Variants in SLC52A3 observed in about 807,000 individuals in gnomAD.
The protein encoded by SLC52A3 is solute carrier family 52, riboflavin transporter, member 3.
SLC52A3 carries 20 observed loss-of-function variants against 29.5 expected under a neutral mutation model. The ratio of observed to expected loss-of-function variants is 0.68; its 90% confidence interval spans 0.48 to 0.99. The LOEUF is 0.99. Ranked by LOEUF, SLC52A3 falls within the 50% of genes least tolerant of loss-of-function variation. The pLI is 0.00. For missense variants in SLC52A3, 548 were observed against 612.9 expected (o/e 0.89, Z 1.12); for synonymous variants, 301 against 271.0 (o/e 1.11, Z -1.09).
At chr20:769,278 T>C (rs1986778172), upstream of SLC52A3, among the ~76,000 whole-genome samples, 1 of 152,168 alleles carries the variant, frequency 6.6e-6, no homozygotes, top group African/African-American at 2.4e-5. Context: ...TCAGGAATAT[T>C]TTGGAAGAAG....
At chr20:776,081 C>G (rs1177172424), upstream of SLC52A3, 1 of 152,398 alleles carries the variant, frequency 6.6e-6, no homozygotes. Flanking sequence ...CCGGCAAGAC[C>G]AGGCGCCTAC....
upstream of SLC52A3, among the ~76,000 whole-genome samples, chr20:773,135 G>T (rs191800018): frequency 6.6e-6 from 1 of 152,152 alleles, no homozygotes; most frequent in South Asian, 2.1e-4. Context: ...TAACAGGATC[G>T]TGCTGGCTGT....
At chr20:770,155 GTT>G (rs71191969), upstream of SLC52A3, among the ~76,000 whole-genome samples, 20 of 143,152 alleles carry the variant, frequency 1.4e-4, no homozygotes, top group African/African-American at 3.3e-4. The surrounding 1 kb of genome is among the most constrained non-coding windows in gnomAD (Gnocchi z 4.5). Flanking sequence ...TCTGACTGCT[GTT>G]TTTTTTTTTT....
upstream of SLC52A3, among the ~76,000 whole-genome samples, chr20:770,783 G>C (rs1043783185): frequency 6.6e-6 from 1 of 152,210 alleles, no homozygotes; most frequent in East Asian, 1.9e-4. This position sits in a 1 kb window ranked among gnomAD's most constrained non-coding sequence, Gnocchi z 4.5. Context: ...GAGGTATTTT[G>C]TGGCAAAGTT....
At chr20:774,312 C>A (rs1257047318) in intron 1 of SLC52A3, among the ~76,000 whole-genome samples, 1 of 152,190 alleles carries the variant, frequency 6.6e-6, no homozygotes, top group Non-Finnish European at 1.5e-5. Context: ...CACTCCTGGG[C>A]AAGGGTCTGA....
upstream of SLC52A3, among the ~76,000 whole-genome samples, chr20:778,723 C>A (rs905329292): frequency 2.0e-5 from 3 of 149,802 alleles, no homozygotes; most frequent in African/African-American, 7.3e-5. Context: ...TGGCCACTTT[C>A]TTCTTCTTTT....
At chr20:761,407 C>G (rs916610845) in intron 4 of SLC52A3, 169 bp from the exon 5 acceptor site, 1 of 838,248 alleles carries the variant, frequency 1.2e-6, no homozygotes, top group Admixed American at 2.9e-5. Context: ...GTTGGCCGCC[C>G]GGGGGCGAAG....
At chr20:776,845 T>G (rs1987049072), upstream of SLC52A3, among the ~76,000 whole-genome samples, 1 of 125,762 alleles carries the variant, frequency 8.0e-6, no homozygotes, top group African/African-American at 3.1e-5. Context: ...TCCTACAGGC[T>G]GAATCGCTTT....
In SLC52A3 at chr20:765,058, A is replaced by T; in HGVS notation, c.567+150T>A. 2.2e-6 allele frequency: 2 copies of T among 901,622 alleles called. No homozygotes were observed. The highest frequency in any genetic ancestry group is 3.5e-6 in the Non-Finnish European group (2 of 568,966). The allele number at this position is 901,622 out of a possible 1,614,324, so 55.9% of individuals were successfully genotyped here. A position where few individuals can be genotyped will look rare whatever the true frequency, so the allele number is the denominator to read the frequency against. Reference sequence around the variant, plus strand: ...CCCATGCGTATGTATGTAAGTAATTAAAATGAGTTTCCTGCTGTTGATCTG... The same window carrying T: ...CCCATGCGTATGTATGTAAGTAATTTAAATGAGTTTCCTGCTGTTGATCTG... On this transcript the variant is annotated intron_variant, in intron 2 of 4. Coordinates refer to ENST00000645534, the MANE Select transcript of SLC52A3 (RefSeq NM_033409.4). The surrounding 1 kb of genome is among the most constrained non-coding windows in gnomAD (Gnocchi z 6.6).
chr20:761,620 G>A, intron 4 of SLC52A3, 81 bp downstream of exon 4: 1 of 1,587,528 alleles, frequency 6.3e-7, no homozygotes, highest in East Asian at 2.3e-5. Flanking sequence ...TCGCTGGAAA[G>A]GGCCGCGCCC....
chr20:776,566 A>G (rs1036391818), upstream of SLC52A3, among the ~76,000 whole-genome samples: 1 of 152,062 alleles, frequency 6.6e-6, no homozygotes, highest in African/African-American at 2.4e-5. Flanking sequence ...CACCTTGTAT[A>G]TGGCAGAACT....
In SLC52A3 at chr20:763,651, A is replaced by C; in HGVS notation, c.920T>G (p.Val307Gly). ...PAHLAFIYTL[V>G]AFVNALTNGM... ...GTTGGTGAGCGCGTTGACGAAGGCC[A>C]CCAGGGTATAGATGAAGGCCAGGTG... The change falls in exon 3 of 5, where the codon GTG becomes GGG. Residue 307 changes from valine (V) to glycine (G), a missense_variant. Val to Gly is a moderately radical substitution (Grantham distance 109). Coordinates refer to ENST00000645534, the MANE Select transcript of SLC52A3 (RefSeq NM_033409.4). 1 of 1,614,158 alleles carries C rather than the reference A, an allele frequency of 6.2e-7. No homozygotes were observed. The highest frequency in any genetic ancestry group is 8.5e-7 in the Non-Finnish European group (1 of 1,180,012).
chr20:761,567 T>C (rs993820182), intron 4 of SLC52A3, 134 bp downstream of exon 4: 2 of 1,367,820 alleles, frequency 1.5e-6, no homozygotes, highest in African/African-American at 2.9e-5. Flanking sequence ...GAAGGGGCGC[T>C]TCCCCCACCT....
upstream of SLC52A3, among the ~76,000 whole-genome samples, chr20:770,320 C>A (rs1314682327): frequency 6.6e-6 from 1 of 152,054 alleles, no homozygotes; most frequent in Non-Finnish European, 1.5e-5. The surrounding 1 kb of genome is among the most constrained non-coding windows in gnomAD (Gnocchi z 4.5). Context: ...CAATGTCCGG[C>A]TAATTTTTTA....
rs151229044 is a variant in SLC52A3 at position 765,436 on chromosome 20, G to A, written c.339C>T (p.Phe113=). 1.1e-3 allele frequency: 1,793 copies of A among 1,613,158 alleles called. 3 individuals carry two copies. The highest frequency in any genetic ancestry group is 3.1e-3 in the South Asian group (283 of 90,956). Residue 113 remains phenylalanine, a synonymous_variant, in exon 2 of 5, where the codon TTC becomes TTT. Coordinates refer to ENST00000645534, the MANE Select transcript of SLC52A3 (RefSeq NM_033409.4). This position sits in a 1 kb window ranked among gnomAD's most constrained non-coding sequence, Gnocchi z 6.6. The part of the protein sequence containing the change: ...HHSIAFLVLT[F]FLALVDCTSS... ...AGGTGCAGTCCACCAGGGCCAGGAAGAAGGTGAGGACCAAGAAGGCGATGC... is the reference window on the plus strand; with the variant it reads ...AGGTGCAGTCCACCAGGGCCAGGAAAAAGGTGAGGACCAAGAAGGCGATGC...
In SLC52A3 at chr20:760,550, T is replaced by G. The variant is rs899438535; in HGVS notation, c.*476A>C. 1 of 170,158 alleles carries G rather than the reference T, an allele frequency of 5.9e-6. No homozygotes were observed. The highest frequency in any genetic ancestry group is 2.4e-5 in the African/African-American group (1 of 42,004). The allele number at this position is 170,158 out of a possible 1,614,324, so 10.5% of individuals were successfully genotyped here. ...TACGATGGACTGTCAGATCAGCAGG[T>G]GGCCCAGGAGGGCTTGCTTGATGCG... On this transcript the variant is annotated 3_prime_UTR_variant, in exon 5 of 5. Transcript: ENST00000645534. The surrounding 1 kb of genome is among the most constrained non-coding windows in gnomAD (Gnocchi z 4.9).
Position 760,897 on chromosome 20 carries a change from A to C in SLC52A3, c.*129T>G, listed in dbSNP as rs1417547739. On this transcript the variant is annotated 3_prime_UTR_variant, in exon 5 of 5. Transcript: ENST00000645534. This position sits in a 1 kb window ranked among gnomAD's most constrained non-coding sequence, Gnocchi z 4.9. Reference sequence around the variant, plus strand: ...AGGTGCCATCTTCCCCACAGTCCCCAGTGGGCACTTGCGTTCATGATTCAA... The same window carrying C: ...AGGTGCCATCTTCCCCACAGTCCCCCGTGGGCACTTGCGTTCATGATTCAA... 7.6e-6 allele frequency: 7 copies of C among 922,764 alleles called. No individual in the cohort carries two copies. Among genetic ancestry groups the C allele is most frequent in the Admixed American group, 2.3e-5 (1 of 44,354 alleles). 57.2% of individuals were successfully genotyped at this position (922,764 alleles called of 1,614,324 possible). A position where few individuals can be genotyped will look rare whatever the true frequency, so the allele number is the denominator to read the frequency against.
At chr20:778,488 G>A (rs187375076), upstream of SLC52A3, among the ~76,000 whole-genome samples, 29 of 152,082 alleles carry the variant, frequency 1.9e-4, no homozygotes, top group East Asian at 2.7e-3. Flanking sequence ...GGATTTCCAC[G>A]CACAGATATG....
chr20:774,441 G>T (rs1986949780), intron 1 of SLC52A3, among the ~76,000 whole-genome samples: 1 of 152,196 alleles, frequency 6.6e-6, no homozygotes, highest in Admixed American at 6.5e-5. Context: ...TTGAGCCCAT[G>T]AAGAAGGGAG....
Sources: gnomAD v4.1 joint callset for allele counts (sites outside exome capture counted in the v4.1 genomes callset) on GRCh38, gnomAD v4.1.1 for gene constraint, Gnocchi (gnomAD v3.1) non-coding constraint, MANE v1.5 for transcripts, NCBI Gene and HGNC (gene_info 2026-07-23, HGNC 2026-07-21) for gene names.